The following SSH1 variants were observed in gnomAD, a reference collection of about 807,000 sequenced individuals.
The protein encoded by SSH1 is protein phosphatase Slingshot homolog 1.
In SSH1, 43 loss-of-function variants were observed where a neutral mutation model predicts 79.7. That is an observed-to-expected ratio of 0.54 (90% CI 0.42 to 0.70). SSH1 has a LOEUF of 0.70. Among genes scored for constraint, SSH1 ranks in the 30% least tolerant of loss-of-function variants. SSH1 has a pLI of 0.00. For missense variants in SSH1, 1,206 were observed against 1,358.8 expected (o/e 0.89, Z 1.77); for synonymous variants, 599 against 538.3 (o/e 1.11, Z -1.56).
At chr12:108,847,704 C>A (rs146222295) in intron 2 of SSH1, among the ~76,000 whole-genome samples, 5 of 152,148 alleles carry the variant, frequency 3.3e-5, no homozygotes, top group African/African-American at 1.2e-4. Flanking sequence ...TGATCCGTCC[C>A]GCCTTGGCCT....
intron 6 of SSH1, among the ~76,000 whole-genome samples, chr12:108,810,795 C>A (rs191464461): frequency 2.8e-4 from 43 of 152,356 alleles, no homozygotes; most frequent in Admixed American, 5.9e-4. Flanking sequence ...CCGGGTGGAA[C>A]TGGTTCATTC....
At chr12:108,795,606 A>G (rs2036715608) in intron 13 of SSH1, among the ~76,000 whole-genome samples, 1 of 151,940 alleles carries the variant, frequency 6.6e-6, no homozygotes, top group Admixed American at 6.5e-5. Flanking sequence ...GTGGTGGCCC[A>G]GCACTTTGGA....
Position 108,857,514 on chromosome 12 carries a change from A to G in SSH1, c.-18T>C. 8.9e-7 allele frequency: 1 copy of G among 1,124,178 alleles called. No individual in the cohort carries two copies. Among genetic ancestry groups the G allele is most frequent in the South Asian group, 1.8e-5 (1 of 55,406 alleles). The allele number at this position is 1,124,178 out of a possible 1,614,324, so 69.6% of individuals were successfully genotyped here. ...AGGGCCATGGCTGCGGCGCGGTGCG[A>G]GGGCGCCACAGACGTCTCGAGCTAG... is the stretch of plus-strand genomic sequence containing the variant. On this transcript the variant is annotated 5_prime_UTR_variant, in exon 1 of 15. Transcript: ENST00000326495. The surrounding 1 kb of genome is among the most constrained non-coding windows in gnomAD (Gnocchi z 4.7).
chr12:108,825,117 A>C (rs1419822426), intron 2 of SSH1, among the ~76,000 whole-genome samples: 1 of 152,344 alleles, frequency 6.6e-6, no homozygotes, highest in East Asian at 1.9e-4. Context: ...GTCACAGTTC[A>C]AATTGTAGGC....
At chr12:108,845,794 G>A (rs1426321909) in intron 2 of SSH1, among the ~76,000 whole-genome samples, 2 of 152,248 alleles carry the variant, frequency 1.3e-5, no homozygotes, top group African/African-American at 4.8e-5. Context: ...TCCATCTCCA[G>A]TACGGACACA....
intron 10 of SSH1, 95 bp downstream of exon 10, chr12:108,804,961 C>T: frequency 6.5e-7 from 1 of 1,531,184 alleles, no homozygotes; most frequent in Admixed American, 1.9e-5. Context: ...AAGTTTTTTG[C>T]CTGCTTTTTC....
intron 2 of SSH1, among the ~76,000 whole-genome samples, chr12:108,842,008 G>A (rs966656246): frequency 6.6e-6 from 1 of 151,530 alleles, no homozygotes; most frequent in East Asian, 1.9e-4. Context: ...GTGCACCTGT[G>A]GTCCCAGCTA....
chr12:108,793,799 C>T (rs1405284870), intron 13 of SSH1, among the ~76,000 whole-genome samples: 1 of 152,178 alleles, frequency 6.6e-6, no homozygotes. Context: ...GTATCACAGG[C>T]TTGCGAGGGT....
chr12:108,829,305 C>T (rs750887680), intron 2 of SSH1, among the ~76,000 whole-genome samples: 1 of 152,018 alleles, frequency 6.6e-6, no homozygotes, highest in South Asian at 2.1e-4. Context: ...CCAGCCTGGG[C>T]GACAAAGTGA....
chr12:108,844,494 AG>A (rs1263020126), intron 2 of SSH1, among the ~76,000 whole-genome samples: 3 of 152,092 alleles, frequency 2.0e-5, no homozygotes, highest in Non-Finnish European at 4.4e-5. Context: ...TCCCCAAACT[AG>A]GCACATCTGT....
At chr12:108,816,352 G>A (rs76814091) in intron 5 of SSH1, among the ~76,000 whole-genome samples, 4,344 of 152,280 alleles carry the variant, frequency 0.029, 233 homozygotes, top group African/African-American at 0.099. Context: ...TGAATGAGTC[G>A]ATGAATGAAT....
chr12:108,833,692 T>C (rs760992049), intron 2 of SSH1: 1 of 152,210 alleles, frequency 6.6e-6, no homozygotes, highest in Non-Finnish European at 1.5e-5. Context: ...TTGTATTCTC[T>C]ACCCACTCTC....
chr12:108,798,326 C>T (rs2036839544), intron 13 of SSH1, among the ~76,000 whole-genome samples: 1 of 152,236 alleles, frequency 6.6e-6, no homozygotes, highest in African/African-American at 2.4e-5. Flanking sequence ...CCACACCTGA[C>T]CTCAGTGTTT....
chr12:108,796,353 A>T lies in SSH1; in HGVS notation c.1349+2647T>A, dbSNP rs558330939. On this transcript the variant is annotated intron_variant, in intron 13 of 14. Coordinates refer to ENST00000326495, the MANE Select transcript of SSH1 (RefSeq NM_018984.4). ...GAAATTCGGTACCCATTGAACAGTA[A>T]CTCCCCATTCCCTTCTTCCAGTCCC... Among the ~76,000 whole-genome samples, 74 of 152,080 alleles carry T rather than the reference A, an allele frequency of 4.9e-4. 1 individual carries two copies. Among genetic ancestry groups the T allele is most frequent in the Non-Finnish European group, 9.4e-4 (64 of 67,990 alleles).
chr12:108,852,452 G>T (rs996972964), intron 2 of SSH1, among the ~76,000 whole-genome samples, 186 bp downstream of exon 2: 2 of 151,624 alleles, frequency 1.3e-5, no homozygotes, highest in East Asian at 3.9e-4. Flanking sequence ...GGATGGTCTC[G>T]ATCTCCTGAC....
chr12:108,813,384 A>G (rs768952845), intron 5 of SSH1, among the ~76,000 whole-genome samples: 18 of 151,906 alleles, frequency 1.2e-4, no homozygotes, highest in Non-Finnish European at 2.5e-4. Context: ...GGTGGTGTAC[A>G]CTCATGGCAT....
chr12:108,800,981 A>C, intron 11 of SSH1, 55 bp from the exon 12 acceptor site: 1 of 1,545,250 alleles, frequency 6.5e-7, no homozygotes, highest in South Asian at 1.1e-5. Flanking sequence ...GAGAAAGAAA[A>C]GCAAGGTAAT....
chr12:108,822,440 T>C (rs947631010), intron 3 of SSH1, among the ~76,000 whole-genome samples: 2 of 151,428 alleles, frequency 1.3e-5, no homozygotes, highest in African/African-American at 4.9e-5. Context: ...TGGCCATAAG[T>C]GTGTTTTGTT....
chr12:108,787,697 C>T lies in SSH1; in HGVS notation c.*291G>A, dbSNP rs1424627443. The T allele has an allele frequency of 6.5e-6, 3 of 464,730 alleles. No individual in the cohort carries two copies. The East Asian group carries it at 1.3e-4, about 20-fold the overall frequency. The allele number at this position is 464,730 out of a possible 1,614,324, so 28.8% of individuals were successfully genotyped here. On this transcript the variant is annotated 3_prime_UTR_variant, in exon 15 of 15. Coordinates refer to ENST00000326495, the MANE Select transcript of SSH1 (RefSeq NM_018984.4). ...CTGGATGTGTGCGCCTATGTGTGCACGTTCTTCCTAAAACATGGTTCTTCT... is the reference window on the plus strand; with the variant it reads ...CTGGATGTGTGCGCCTATGTGTGCATGTTCTTCCTAAAACATGGTTCTTCT...
Sources: allele counts gnomAD v4.1 joint callset (sites outside exome capture counted in the v4.1 genomes callset), GRCh38; gene constraint gnomAD v4.1.1; non-coding constraint Gnocchi (gnomAD v3.1); transcripts MANE v1.5; gene names NCBI Gene and HGNC (gene_info 2026-07-23, HGNC 2026-07-21).